DPP10: variants seen among roughly 807,000 people sequenced by gnomAD.
DPP10 encodes dipeptidyl peptidase like 10.
DPP10 carries 33 observed loss-of-function variants against 120.9 expected under a neutral mutation model. The ratio of observed to expected loss-of-function variants is 0.27; its 90% CI spans 0.21 to 0.37. The LOEUF is 0.37. Among genes scored for constraint, DPP10 ranks in the 10% least tolerant of loss-of-function variants. The probability of loss-of-function intolerance (pLI) is 1.00; values close to 1 mark genes in which losing one functional copy is unlikely to be tolerated. For synonymous variants in DPP10, 337 were observed against 326.1 expected, an observed-to-expected ratio of 1.03 and a Z score of -0.36; for missense variants, 816 against 942.8, an observed-to-expected ratio of 0.87 and a Z score of 1.76.
chr2:115,429,539 A>C (rs2070780275), intron 3 of DPP10, among the ~76,000 whole-genome samples: 1 of 152,206 alleles, frequency 6.6e-6, no homozygotes, highest in Non-Finnish European at 1.5e-5. Context: ...TATGTGCTTA[A>C]TAATAAAAGC....
chr2:115,449,364 A>G (rs1167824719), intron 3 of DPP10, among the ~76,000 whole-genome samples: 1 of 152,066 alleles, frequency 6.6e-6, no homozygotes, highest in Admixed American at 6.6e-5. Context: ...AACATATGCT[A>G]AGGGGATAAA....
intron 1 of DPP10, among the ~76,000 whole-genome samples, chr2:114,484,465 A>G (rs1347866799): frequency 1.3e-5 from 2 of 152,216 alleles, no homozygotes; most frequent in Non-Finnish European, 2.9e-5. Flanking sequence ...TCTTAATAAC[A>G]GCAAGTAAAA....
intron 1 of DPP10, among the ~76,000 whole-genome samples, chr2:114,492,836 GA>G (rs1439497462): frequency 6.6e-6 from 1 of 152,128 alleles, no homozygotes; most frequent in Non-Finnish European, 1.5e-5. Flanking sequence ...CATCTCTTAA[GA>G]AATATGCTAT....
Position 115,689,871 on chromosome 2 carries a change from G to A in DPP10, c.526G>A (p.Glu176Lys), listed in dbSNP as rs375837415. 22 of 1,613,714 alleles carry A rather than the reference G, an allele frequency of 1.4e-5. No individual in the cohort carries two copies. The highest frequency in any genetic ancestry group is 1.7e-5 in the Non-Finnish European group (20 of 1,179,938). ...EVWELNPPEV[E>K]DSVLQYAAWG... ...TTGGGAGTTAAATCCTCCAGAAGTAGAGGACTCCGTCTTGCAGTACGCGGC... is the reference window on the plus strand; with the variant it reads ...TTGGGAGTTAAATCCTCCAGAAGTAAAGGACTCCGTCTTGCAGTACGCGGC... Residue 176 changes from glutamate (E) to lysine (K), a missense_variant, in exon 7 of 26, where the codon GAG (glutamate) becomes AAG (lysine). Around this residue, in one of 3 missense-constraint regions of DPP10, gnomAD observed 182 missense variants for 207.4 expected, o/e 0.88. Transcript: ENST00000410059.
intron 1 of DPP10, among the ~76,000 whole-genome samples, chr2:114,826,763 T>C (rs1464006047): frequency 6.6e-6 from 1 of 152,122 alleles, no homozygotes; most frequent in Non-Finnish European, 1.5e-5. Flanking sequence ...CTCTTGGCCT[T>C]GTGATCTGCC....
intron 1 of DPP10, among the ~76,000 whole-genome samples, chr2:114,963,936 A>G (rs1698827828): frequency 2.0e-5 from 3 of 152,192 alleles, no homozygotes; most frequent in Admixed American, 2.0e-4. Flanking sequence ...AGAGAAGATG[A>G]AAGATTTTAT....
intron 5 of DPP10, among the ~76,000 whole-genome samples, chr2:115,567,699 G>T (rs1007248869): frequency 6.6e-6 from 1 of 152,072 alleles, no homozygotes; most frequent in African/African-American, 2.4e-5. Flanking sequence ...GATCATTAAG[G>T]AAAATGTCGA....
At chr2:115,525,548 C>T (rs898470960) in intron 4 of DPP10, among the ~76,000 whole-genome samples, 2 of 151,770 alleles carry the variant, frequency 1.3e-5, no homozygotes, top group African/African-American at 4.8e-5. Flanking sequence ...ACTTCTTTTC[C>T]TTTTGATTAA....
intron 3 of DPP10, among the ~76,000 whole-genome samples, chr2:115,420,164 G>A (rs141324889): frequency 7.4e-4 from 113 of 152,252 alleles, no homozygotes; most frequent in African/African-American, 2.6e-3. Context: ...TCCATCTGGA[G>A]TTCCTGAGAG....
intron 1 of DPP10, among the ~76,000 whole-genome samples, chr2:114,753,612 T>C (rs1489661459): frequency 6.6e-6 from 1 of 152,016 alleles, no homozygotes; most frequent in Non-Finnish European, 1.5e-5. Flanking sequence ...AGAAAAAGTA[T>C]AGAAATATGA....
chr2:114,809,559 C>T (rs193162865), intron 1 of DPP10, among the ~76,000 whole-genome samples: 5 of 152,056 alleles, frequency 3.3e-5, no homozygotes, highest in Admixed American at 3.3e-4. Context: ...TTTTATTGTC[C>T]CTTTCTTTGT....
chr2:115,200,320 C>A (rs72839238), intron 1 of DPP10, among the ~76,000 whole-genome samples: 4 of 152,178 alleles, frequency 2.6e-5, no homozygotes, highest in African/African-American at 7.2e-5. Flanking sequence ...CTGGCAATCT[C>A]TGCTGTAATT....
At chr2:115,696,000 G>A (rs11123319) in intron 7 of DPP10, among the ~76,000 whole-genome samples, 19,851 of 151,930 alleles carry the variant, frequency 0.13, 1,591 homozygotes, top group African/African-American at 0.22. Context: ...ATATACTTGA[G>A]CAGGGAGAAG....
intron 1 of DPP10, among the ~76,000 whole-genome samples, chr2:115,037,784 A>G (rs1704331510): frequency 1.3e-5 from 2 of 152,350 alleles, no homozygotes; most frequent in South Asian, 4.1e-4. Context: ...TACATTTCTC[A>G]TTCCAATTAT....
intron 3 of DPP10, among the ~76,000 whole-genome samples, chr2:115,463,255 C>T (rs2105091071): frequency 6.6e-6 from 1 of 152,264 alleles, no homozygotes; most frequent in Non-Finnish European, 1.5e-5. Context: ...TGATTCAGCT[C>T]TGAGATTCCT....
intron 1 of DPP10, among the ~76,000 whole-genome samples, chr2:115,276,831 C>G (rs2059940107): frequency 6.6e-6 from 1 of 152,170 alleles, no homozygotes; most frequent in Non-Finnish European, 1.5e-5. Context: ...TCACTGCTCT[C>G]TACTCCAAGG....
chr2:115,819,115 A>G (rs1687556186), intron 21 of DPP10, among the ~76,000 whole-genome samples: 2 of 152,204 alleles, frequency 1.3e-5, no homozygotes, highest in East Asian at 1.9e-4. Flanking sequence ...TGTTCTTGCT[A>G]TACTGATTCC....
At chr2:115,828,349 A>G (rs968097996) in intron 21 of DPP10, among the ~76,000 whole-genome samples, 9 of 151,970 alleles carry the variant, frequency 5.9e-5, no homozygotes, top group African/African-American at 2.2e-4. Context: ...ATGCCTTGGT[A>G]TAGTTTTCTT....
At chr2:115,005,073 A>G (rs571319316) in intron 1 of DPP10, among the ~76,000 whole-genome samples, 61 of 152,022 alleles carry the variant, frequency 4.0e-4, no homozygotes, top group Non-Finnish European at 6.3e-4. Context: ...GACCCCCGAG[A>G]AGCCTAACTG....
Sources: gnomAD v4.1 joint callset for allele counts (sites outside exome capture counted in the v4.1 genomes callset) on GRCh38, gnomAD v4.1.1 for gene constraint, gnomAD v4.1.1 regional missense constraint, MANE v1.5 for transcripts, NCBI Gene and HGNC (gene_info 2026-07-23, HGNC 2026-07-21) for gene names.